TDRD10: variants seen among roughly 807,000 people sequenced by gnomAD.
TDRD10 encodes the protein tudor domain containing 10.
TDRD10 carries 40 observed loss-of-function variants against 48.0 expected under a neutral mutation model. The observed-to-expected ratio is 0.83, with a 90% CI of 0.65 to 1.09. The LOEUF is 1.09. TDRD10 is among the 50% of genes least tolerant of loss of function. The pLI, the probability that TDRD10 is intolerant of heterozygous loss-of-function variation, is 0.00. For missense variants in TDRD10, 378 were observed against 434.7 expected, an observed-to-expected ratio of 0.87 and a Z score of 1.16; for synonymous variants, 162 against 170.4, an observed-to-expected ratio of 0.95 and a Z score of 0.38.
intron 6 of TDRD10, among the ~76,000 whole-genome samples, chr1:154,524,005 C>CA (rs939875926): frequency 1.3e-5 from 2 of 152,068 alleles, no homozygotes; most frequent in Admixed American, 1.3e-4. Context: ...TGGACTTTTT[C>CA]ATCTTTTCAC....
intron 6 of TDRD10, among the ~76,000 whole-genome samples, chr1:154,527,385 G>T (rs1472434933): frequency 6.6e-6 from 1 of 151,974 alleles, no homozygotes; most frequent in African/African-American, 2.4e-5. Flanking sequence ...GATCTCTGGG[G>T]AAAGGATACA....
intron 6 of TDRD10, among the ~76,000 whole-genome samples, chr1:154,526,203 C>CA (rs58688953): frequency 0.14 from 15,255 of 110,264 alleles, 1,067 homozygotes; most frequent in South Asian, 0.2. Context: ...GACTTCATCT[C>CA]AAAAAAAAAA....
rs371839272 is a variant in TDRD10, at chr1:154,544,976, A to G, written c.952+27A>G. ...TGAGACATCTTCTATCTTCCTCCCA[A>G]GGGTTTCAGGGACAGGAGAAGCCAT... On this transcript the variant is annotated intron_variant, in intron 11 of 12. Transcript: ENST00000368482. 5.6e-6 allele frequency: 9 copies of G among 1,610,492 alleles called. No homozygotes were observed. In the East Asian group the frequency reaches 6.7e-5, roughly 12 times the overall value.
In TDRD10 at chr1:154,544,412, C is replaced by T; in HGVS notation, c.692C>T (p.Ala231Val). ...ATGCAGGCTCTGTTTAGCACCCTGG[C>T]TCAGGCGGAGGAGCAGCAGCCCTAC... ...QNMQALFSTL[A>V]QAEEQQPYLE... The change falls in exon 10 of 13, where the codon GCT (alanine) becomes GTT (valine). Residue 231 changes from alanine (A) to valine (V), a missense_variant. By Grantham distance (64) the Ala-to-Val change is moderately conservative (BLOSUM62 0). Transcript: ENST00000368482. The T allele has an allele frequency of 6.2e-7, 1 of 1,601,472 alleles. No homozygotes were observed. Among genetic ancestry groups the T allele is most frequent in the Non-Finnish European group, 8.5e-7 (1 of 1,174,650 alleles).
intron 3 of TDRD10, among the ~76,000 whole-genome samples, chr1:154,508,056 C>A (rs1397169619): frequency 6.6e-6 from 1 of 152,148 alleles, no homozygotes; most frequent in Non-Finnish European, 1.5e-5. Context: ...GCAGAGTGAT[C>A]CCCTGCTGGG....
intron 6 of TDRD10, among the ~76,000 whole-genome samples, chr1:154,525,764 G>A (rs975393585): frequency 4.6e-5 from 7 of 151,574 alleles, no homozygotes; most frequent in Non-Finnish European, 8.8e-5. Context: ...GCATGGTGGT[G>A]GGTGCCTGTA....
intron 8 of TDRD10, 36 bp downstream of exon 8, chr1:154,542,857 G>A (rs1206097360): frequency 2.6e-6 from 4 of 1,555,122 alleles, no homozygotes; most frequent in Non-Finnish European, 2.7e-6. Context: ...AGGGCAAATG[G>A]CGATTACAGA....
At chr1:154,542,145 C>T in intron 7 of TDRD10, 79 bp downstream of exon 7, 1 of 1,465,934 alleles carries the variant, frequency 6.8e-7, no homozygotes, top group Admixed American at 1.7e-5. Context: ...CCTTCTGCAG[C>T]CTCCCTTCCA....
chr1:154,514,283 A>G (rs1332951296), intron 4 of TDRD10, among the ~76,000 whole-genome samples: 1 of 152,200 alleles, frequency 6.6e-6, no homozygotes, highest in Non-Finnish European at 1.5e-5. Context: ...CAACCACAAA[A>G]AGACATTTCT....
intron 6 of TDRD10, among the ~76,000 whole-genome samples, chr1:154,530,254 A>G (rs1694539939): frequency 6.6e-6 from 1 of 152,074 alleles, no homozygotes; most frequent in Admixed American, 6.6e-5. Context: ...ACCTCAGGTG[A>G]TCTGCCCGCC....
intron 7 of TDRD10, among the ~76,000 whole-genome samples, 171 bp from the exon 8 acceptor site, chr1:154,542,556 CGACT>C (rs1695302667): frequency 6.6e-6 from 1 of 152,148 alleles, no homozygotes; most frequent in Admixed American, 6.5e-5. Flanking sequence ...GAATATCATC[CGACT>C]GACCCTTCCC....
chr1:154,520,434 T>A, intron 5 of TDRD10, 60 bp downstream of exon 5: 1 of 1,381,890 alleles, frequency 7.2e-7, no homozygotes, highest in Non-Finnish European at 1.0e-6. Context: ...CCTGTCCATT[T>A]TGCTGATGCA....
chr1:154,514,851 C>CTTATTTATTTATTTAT (rs376684475), intron 4 of TDRD10, among the ~76,000 whole-genome samples: 2 of 142,778 alleles, frequency 1.4e-5, no homozygotes, highest in Non-Finnish European at 1.5e-5. Flanking sequence ...CCATACCCAG[C>CTTATTTATTTATTTAT]TTATTTATTT....
At position 154,543,993 on chromosome 1, in the gene TDRD10, A is replaced by C. The variant is rs1372436809; in HGVS notation, c.534A>C (p.Glu178Asp). The C allele has an allele frequency of 4.3e-6, 7 of 1,614,112 alleles. No individual in the cohort carries two copies. The highest frequency in any genetic ancestry group is 5.9e-6 in the Non-Finnish European group (7 of 1,180,006). ...CCTTCCTGGTGCTGCTCCTGAGGGA[A>C]TGCTTCCGAGACCTGAGCTGGCTGG... is the stretch of plus-strand genomic sequence containing the variant. ...RGSFLVLLLR[E>D]CFRDLSWLAL... The change falls in exon 9 of 13, where the codon GAA (glutamate) becomes GAC (aspartate). Residue 178 changes from glutamate to aspartate, a missense_variant. Physicochemically the swap from Glu to Asp is conservative, Grantham distance 45 (BLOSUM62 2). Around this residue, in one of 2 missense-constraint regions of TDRD10, gnomAD observed 310 missense variants for 323.6 expected, o/e 0.96. Transcript: ENST00000368482.
intron 6 of TDRD10, among the ~76,000 whole-genome samples, chr1:154,533,213 G>A (rs916620610): frequency 3.3e-5 from 5 of 152,188 alleles, no homozygotes; most frequent in African/African-American, 1.2e-4. Context: ...CCTGCATGCT[G>A]TCTTTGTTGG....
intron 3 of TDRD10, among the ~76,000 whole-genome samples, 197 bp from the exon 4 acceptor site, chr1:154,508,226 A>G (rs1318255298): frequency 6.6e-6 from 1 of 152,190 alleles, no homozygotes; most frequent in Non-Finnish European, 1.5e-5. Context: ...CATTGAAGAA[A>G]AAGTGAAGCC....
At chr1:154,529,535 T>C (rs1213433554) in intron 6 of TDRD10, among the ~76,000 whole-genome samples, 1 of 137,550 alleles carries the variant, frequency 7.3e-6, no homozygotes, top group Non-Finnish European at 1.5e-5. Flanking sequence ...ACCCATATTT[T>C]TTCTGTGTTC....
intron 6 of TDRD10, chr1:154,534,601 A>G (rs1694822705): frequency 6.6e-6 from 1 of 152,252 alleles, no homozygotes; most frequent in Non-Finnish European, 1.5e-5. Flanking sequence ...GTTTTCGTAC[A>G]AAGGTCAGTC....
chr1:154,510,417 C>A (rs1036825326), intron 4 of TDRD10, among the ~76,000 whole-genome samples: 13 of 151,456 alleles, frequency 8.6e-5, no homozygotes, highest in African/African-American at 2.9e-4. Context: ...ACGGTGAAAC[C>A]CCGTCTCTAC....
Sources: allele counts gnomAD v4.1 joint callset (sites outside exome capture counted in the v4.1 genomes callset), GRCh38; gene constraint gnomAD v4.1.1; regional missense constraint gnomAD v4.1.1; transcripts MANE v1.5; gene names NCBI Gene and HGNC (gene_info 2026-07-23, HGNC 2026-07-21).